The following RALGAPA2 variants were observed in gnomAD, a reference collection of about 807,000 sequenced individuals.
The protein encoded by RALGAPA2 is Ral GTPase activating protein catalytic subunit alpha 2.
Under a neutral mutation model 230.4 loss-of-function variants are expected in RALGAPA2, and 139 were observed. The ratio of observed to expected loss-of-function variants is 0.60; its 90% CI spans 0.53 to 0.69. The LOEUF is 0.69. RALGAPA2 is among the 30% of genes least tolerant of loss of function. The pLI, the probability that RALGAPA2 is intolerant of heterozygous loss-of-function variation, is 0.00. For synonymous variants in RALGAPA2, 847 were observed against 837.8 expected (o/e 1.01, Z -0.19); for missense variants, 2,163 against 2,276.0 (o/e 0.95, Z 1.01).
chr20:20,458,365 A>T (rs2061172387), intron 37 of RALGAPA2, among the ~76,000 whole-genome samples: 1 of 149,226 alleles, frequency 6.7e-6, no homozygotes, highest in Non-Finnish European at 1.5e-5. Context: ...GTACATTTTG[A>T]ATCTGTTTGT....
chr20:20,523,036 G>GTT (rs386393506), intron 30 of RALGAPA2, among the ~76,000 whole-genome samples: 1 of 148,974 alleles, frequency 6.7e-6, no homozygotes, highest in Non-Finnish European at 1.5e-5. Flanking sequence ...ACAATTAGGT[G>GTT]TTTTTTTTTT....
chr20:20,566,234 T>C (rs1310536549), intron 23 of RALGAPA2, among the ~76,000 whole-genome samples: 2 of 151,934 alleles, frequency 1.3e-5, no homozygotes, highest in Non-Finnish European at 2.9e-5. Flanking sequence ...CTGCAAGGAG[T>C]CTGGGACATG....
At chr20:20,507,858 ACTGT>A (rs1164922152) in intron 33 of RALGAPA2, among the ~76,000 whole-genome samples, 1 of 152,148 alleles carries the variant, frequency 6.6e-6, no homozygotes, top group Non-Finnish European at 1.5e-5. Flanking sequence ...GACCTAAAAG[ACTGT>A]CTCTTTCAAC....
chr20:20,655,127 C>T (rs939216740), intron 3 of RALGAPA2, among the ~76,000 whole-genome samples: 3 of 152,100 alleles, frequency 2.0e-5, no homozygotes, highest in South Asian at 2.1e-4. Context: ...TGTTACTACA[C>T]GATAATTCTG....
chr20:20,675,329 G>GT (rs922268106), intron 3 of RALGAPA2, among the ~76,000 whole-genome samples: 6 of 151,746 alleles, frequency 4.0e-5, no homozygotes, highest in Non-Finnish European at 4.4e-5. Context: ...CCCATATCTT[G>GT]TTTTTTTTCC....
Position 20,510,530 on chromosome 20 carries a change from T to TA in RALGAPA2, c.4928+723_4928+724insT, listed in dbSNP as rs199636099. Among the ~76,000 whole-genome samples the TA allele has an allele frequency of 7.3e-3, 1,115 of 152,100 alleles. 11 individuals are homozygous for TA. Among genetic ancestry groups the TA allele is most frequent in the African/African-American group, 0.026 (1,070 of 41,512 alleles). On this transcript the variant is annotated intron_variant, in intron 33 of 39. Transcript: ENST00000202677. ...TCCTACAGGGAATAAAAGTGGTGTTTTTTTTTTTTAGAGTTTTTTAAAAAA... is the reference window on the plus strand; with the variant it reads ...TCCTACAGGGAATAAAAGTGGTGTTTATTTTTTTTTAGAGTTTTTTAAAAAA...
chr20:20,582,653 G>GC (rs2065022191), intron 20 of RALGAPA2, among the ~76,000 whole-genome samples: 1 of 152,094 alleles, frequency 6.6e-6, no homozygotes, highest in Non-Finnish European at 1.5e-5. Flanking sequence ...TGGGTGCCCT[G>GC]CTAGTTCTTA....
chr20:20,690,001 CTCTG>C (rs1022866120), intron 1 of RALGAPA2, among the ~76,000 whole-genome samples: 6 of 152,266 alleles, frequency 3.9e-5, no homozygotes, highest in Middle Eastern at 3.4e-3. Context: ...CCCCCCTCAT[CTCTG>C]TCATATCTTT....
rs1037320577 is a variant in RALGAPA2 at position 20,544,043 on chromosome 20, A to T, written c.3285+2661T>A. Among the ~76,000 whole-genome samples the T allele has an allele frequency of 2.6e-5, 4 of 152,032 alleles. 1 individual carries two copies. The highest frequency in any genetic ancestry group is 2.6e-4 in the Admixed American group (4 of 15,260). ...TGTGGCCAACAAACATATGAAAAAA[A>T]GCTCATCATCACTGGTCATTAGAGA... On this transcript the variant is annotated intron_variant, in intron 24 of 39. Transcript: ENST00000202677.
intron 1 of RALGAPA2, among the ~76,000 whole-genome samples, chr20:20,706,823 AGCT>A (rs1362008514): frequency 6.6e-6 from 1 of 152,208 alleles, no homozygotes; most frequent in Non-Finnish European, 1.5e-5. Flanking sequence ...GATAAGTCTC[AGCT>A]TTCCCACTTG....
chr20:20,598,316 TCTAATA>T (rs1336888668), intron 16 of RALGAPA2, among the ~76,000 whole-genome samples: 9 of 152,168 alleles, frequency 5.9e-5, no homozygotes, highest in African/African-American at 1.9e-4. Flanking sequence ...TAGTAAGCAT[TCTAATA>T]CTGACATTCT....
intron 1 of RALGAPA2, among the ~76,000 whole-genome samples, chr20:20,681,860 A>AAAAAC (rs2068533421): frequency 6.6e-6 from 1 of 152,114 alleles, no homozygotes; most frequent in Non-Finnish European, 1.5e-5. Flanking sequence ...CCTGTCTCTT[A>AAAAAC]AAAACAAAAC....
At chr20:20,505,047 C>T (rs1014341834) in intron 34 of RALGAPA2, 5 of 985,116 alleles carry the variant, frequency 5.1e-6, no homozygotes. Flanking sequence ...CATCTTTTCA[C>T]CCATCAAGTC....
At chr20:20,695,419 T>A (rs1176793116) in intron 1 of RALGAPA2, among the ~76,000 whole-genome samples, 1 of 152,222 alleles carries the variant, frequency 6.6e-6, no homozygotes, top group Admixed American at 6.5e-5. Flanking sequence ...TGTTTGACAC[T>A]TTTGAATGCA....
At chr20:20,682,158 T>G (rs1170743073) in intron 1 of RALGAPA2, among the ~76,000 whole-genome samples, 1 of 152,204 alleles carries the variant, frequency 6.6e-6, no homozygotes, top group Non-Finnish European at 1.5e-5. Flanking sequence ...GCATGTAAGG[T>G]GCTTATAAAG....
At chr20:20,653,977 G>C (rs1404308727) in intron 3 of RALGAPA2, among the ~76,000 whole-genome samples, 1 of 151,846 alleles carries the variant, frequency 6.6e-6, no homozygotes, top group Non-Finnish European at 1.5e-5. Context: ...ATCACTATTA[G>C]TCTCTGGACA....
chr20:20,540,618 G>C (rs2063618439), intron 24 of RALGAPA2, among the ~76,000 whole-genome samples: 1 of 151,816 alleles, frequency 6.6e-6, no homozygotes, highest in Non-Finnish European at 1.5e-5. Context: ...TTTCTAGTTT[G>C]TGTTTTTCCA....
chr20:20,635,000 G>A (rs753930832), intron 9 of RALGAPA2, among the ~76,000 whole-genome samples: 4 of 152,200 alleles, frequency 2.6e-5, no homozygotes, highest in Non-Finnish European at 5.9e-5. Flanking sequence ...TGAGATGCCA[G>A]AGGGTGCTCG....
intron 37 of RALGAPA2, among the ~76,000 whole-genome samples, chr20:20,426,241 A>T (rs919727910): frequency 2.0e-5 from 3 of 152,260 alleles, no homozygotes; most frequent in Admixed American, 1.3e-4. Flanking sequence ...CAGGAAGTAT[A>T]TATAAGTGAC....
Sources: gnomAD v4.1 joint callset for allele counts (sites outside exome capture counted in the v4.1 genomes callset) on GRCh38, gnomAD v4.1.1 for gene constraint, MANE v1.5 for transcripts, NCBI Gene and HGNC (gene_info 2026-07-23, HGNC 2026-07-21) for gene names.